Variants in TRAPPC9 observed in about 807,000 individuals in gnomAD.
TRAPPC9 encodes trafficking protein particle complex subunit 9, also known as IKK2 binding protein.
TRAPPC9 carries 83 observed loss-of-function variants against 124.0 expected under a neutral mutation model. The observed-to-expected ratio is 0.67, with a 90% CI of 0.56 to 0.80. The LOEUF is 0.80. Among genes scored for constraint, TRAPPC9 ranks in the 30% least tolerant of loss-of-function variants. The probability of loss-of-function intolerance (pLI) is 0.00; values close to 1 mark genes in which losing one functional copy is unlikely to be tolerated. For synonymous variants in TRAPPC9, 638 were observed against 617.5 expected, an observed-to-expected ratio of 1.03 and a Z score of -0.49; for missense variants, 1,302 against 1,508.3, an observed-to-expected ratio of 0.86 and a Z score of 2.27.
rs528175891 is a variant in TRAPPC9 at position 140,229,251 on chromosome 8, C to CTTTTTTT, written c.2432-7675_2432-7669dup. Among the ~76,000 whole-genome samples, 340 of 99,786 alleles carry CTTTTTTT rather than the reference C, an allele frequency of 3.4e-3. 9 individuals carry two copies. The highest frequency in any genetic ancestry group is 8.6e-3 in the African/African-American group (188 of 21,736). The allele number at this position is 99,786 out of a possible 152,430, so 65.5% of individuals were successfully genotyped here. ...AGTCAATTCCGTATGTTTTCTTTTT[C>CTTTTTTT]TTTTTTTTTTTTTTTTTTTTTTTTT... On this transcript the variant is annotated intron_variant, in intron 16 of 22. Transcript: ENST00000438773.
At chr8:140,203,159 A>G (rs2062833734) in intron 17 of TRAPPC9, among the ~76,000 whole-genome samples, 1 of 152,250 alleles carries the variant, frequency 6.6e-6, no homozygotes, top group Non-Finnish European at 1.5e-5. Context: ...GCAATAAAAA[A>G]TTACTGAAAC....
intron 17 of TRAPPC9, chr8:140,096,335 G>A (rs540446719): frequency 6.6e-6 from 1 of 152,318 alleles, no homozygotes; most frequent in African/African-American, 2.4e-5. Flanking sequence ...AGCAGCTAGG[G>A]AGCCACTGCA....
chr8:140,115,073 G>A (rs2060853463), intron 17 of TRAPPC9, among the ~76,000 whole-genome samples: 1 of 152,088 alleles, frequency 6.6e-6, no homozygotes, highest in Non-Finnish European at 1.5e-5. Flanking sequence ...GCTAATTGAA[G>A]CAATAAAAAG....
At position 140,226,367 on chromosome 8, in the gene TRAPPC9, G is replaced by A. The variant is rs539314656; in HGVS notation, c.2432-4784C>T. Among the ~76,000 whole-genome samples the A allele has an allele frequency of 5.3e-5, 8 of 152,138 alleles. No homozygotes were observed. The East Asian group carries it at 1.4e-3, about 26-fold the overall frequency. ...AGTACTTTAGGAGGCTGAGGTGGGC[G>A]GATCACTTCAGGTCAGGAGTTTAAG... On this transcript the variant is annotated intron_variant, in intron 16 of 22. Transcript: ENST00000438773.
intron 17 of TRAPPC9, among the ~76,000 whole-genome samples, chr8:140,166,537 A>G (rs1047668198): frequency 1.3e-5 from 2 of 152,172 alleles, no homozygotes; most frequent in Non-Finnish European, 2.9e-5. Context: ...ATGGTTAAAG[A>G]AGGGAGGGAA....
At chr8:140,382,358 A>T (rs1378632137) in intron 7 of TRAPPC9, among the ~76,000 whole-genome samples, 1 of 152,234 alleles carries the variant, frequency 6.6e-6, no homozygotes, top group Non-Finnish European at 1.5e-5. Context: ...TCACCCAGGA[A>T]GCGCAAAGGG....
chr8:140,452,261 A>T (rs2071490544), intron 1 of TRAPPC9, among the ~76,000 whole-genome samples: 1 of 151,846 alleles, frequency 6.6e-6, no homozygotes, highest in Non-Finnish European at 1.5e-5. Flanking sequence ...TTTACTAAAA[A>T]TACAAAAAAT....
At chr8:140,114,871 A>G (rs575526263) in intron 17 of TRAPPC9, among the ~76,000 whole-genome samples, 1 of 152,370 alleles carries the variant, frequency 6.6e-6, no homozygotes, top group Non-Finnish European at 1.5e-5. Context: ...ATAGGACTCA[A>G]TGAAAAAGAT....
chr8:139,923,664 G>A (rs1371332718), intron 19 of TRAPPC9, among the ~76,000 whole-genome samples: 1 of 152,232 alleles, frequency 6.6e-6, no homozygotes, highest in East Asian at 1.9e-4. Context: ...GTCCTCAGAA[G>A]AGCGGAGACA....
At chr8:139,885,764 T>G in intron 21 of TRAPPC9, 115 bp downstream of exon 21, 1 of 1,011,954 alleles carries the variant, frequency 9.9e-7, no homozygotes, top group South Asian at 1.4e-5. Flanking sequence ...CGTGATGACC[T>G]TCAGTACCCA....
At chr8:140,233,834 A>T (rs2131388679) in intron 16 of TRAPPC9, among the ~76,000 whole-genome samples, 1 of 151,912 alleles carries the variant, frequency 6.6e-6, no homozygotes. Flanking sequence ...TTACCTCAGT[A>T]ATTATTCCCA....
rs1004892423 is a variant in TRAPPC9, at chr8:140,241,292, G to T, written c.2431+11485C>A. ...TGTGTCCCTGTAATCCCAGCTACTA[G>T]GGAGGAGAATCACTTGAACCCAGGA... On this transcript the variant is annotated intron_variant, in intron 16 of 22. Coordinates refer to ENST00000438773, the MANE Select transcript of TRAPPC9 (RefSeq NM_001160372.4). The surrounding 1 kb of genome is among the most constrained non-coding windows in gnomAD (Gnocchi z 5.0). Among the ~76,000 whole-genome samples the T allele has an allele frequency of 6.6e-6, 1 of 152,022 alleles. No homozygotes were observed. The highest frequency in any genetic ancestry group is 2.4e-5 in the African/African-American group (1 of 41,372).
intron 17 of TRAPPC9, among the ~76,000 whole-genome samples, chr8:140,045,859 C>A (rs1020503806): frequency 2.0e-5 from 3 of 151,846 alleles, no homozygotes; most frequent in Non-Finnish European, 4.4e-5. Context: ...TGAGTCAATA[C>A]CATTTTATGT....
chr8:139,963,000 A>C (rs1169176146), intron 19 of TRAPPC9, among the ~76,000 whole-genome samples: 1 of 152,224 alleles, frequency 6.6e-6, no homozygotes, highest in African/African-American at 2.4e-5. Context: ...CAGGAGTGGA[A>C]AATAATAAAT....
At chr8:140,275,310 G>A (rs2065078315) in intron 15 of TRAPPC9, among the ~76,000 whole-genome samples, 1 of 152,210 alleles carries the variant, frequency 6.6e-6, no homozygotes, top group East Asian at 1.9e-4. Context: ...TTCCAGGCCT[G>A]CTAATGCTTC....
intron 8 of TRAPPC9, among the ~76,000 whole-genome samples, chr8:140,365,027 G>C (rs563740933): frequency 1.3e-5 from 2 of 151,192 alleles, no homozygotes; most frequent in African/African-American, 2.4e-5. Context: ...CACTCTTTCT[G>C]GGGGAGCCAG....
intron 17 of TRAPPC9, among the ~76,000 whole-genome samples, chr8:140,170,615 G>A (rs2061948644): frequency 2.0e-5 from 3 of 152,220 alleles, no homozygotes; most frequent in Non-Finnish European, 1.5e-5. Context: ...AGAGACTCAA[G>A]GAGGCATGAA....
At chr8:139,835,266 C>A (rs558720406) in intron 21 of TRAPPC9, among the ~76,000 whole-genome samples, 6 of 152,336 alleles carry the variant, frequency 3.9e-5, no homozygotes, top group African/African-American at 1.4e-4. Flanking sequence ...TCGAGCAGAA[C>A]AGAGATGCTT....
intron 18 of TRAPPC9, among the ~76,000 whole-genome samples, chr8:140,007,558 C>T (rs886366896): frequency 2.6e-5 from 4 of 152,092 alleles, no homozygotes; most frequent in African/African-American, 9.7e-5. Context: ...ACGAAGAGAA[C>T]TTTAAAAATG....
Sources: gnomAD v4.1 joint callset for allele counts (sites outside exome capture counted in the v4.1 genomes callset) on GRCh38, gnomAD v4.1.1 for gene constraint, Gnocchi (gnomAD v3.1) non-coding constraint, MANE v1.5 for transcripts, NCBI Gene and HGNC (gene_info 2026-07-23, HGNC 2026-07-21) for gene names.